The following ATP5F1B variants were observed in gnomAD, a reference collection of about 807,000 sequenced individuals.
ATP5F1B encodes ATP synthase F1 subunit beta.
Under a neutral mutation model 45.9 loss-of-function variants are expected in ATP5F1B, and 17 were observed. That is an observed-to-expected ratio of 0.37 (90% CI 0.25 to 0.56). The LOEUF is 0.56. Among genes scored for constraint, ATP5F1B ranks in the 20% least tolerant of loss-of-function variants. The pLI is 0.80. For synonymous variants in ATP5F1B, 218 were observed against 256.5 expected, an observed-to-expected ratio of 0.85 and a Z score of 1.43; for missense variants, 387 against 673.2, an observed-to-expected ratio of 0.57 and a Z score of 4.70.
At chr12:56,640,857 C>T (rs1306781656) in intron 7 of ATP5F1B, among the ~76,000 whole-genome samples, 2 of 127,686 alleles carry the variant, frequency 1.6e-5, no homozygotes, top group Non-Finnish European at 3.2e-5. Flanking sequence ...CCAGTAGAGA[C>T]GGGGGTCTCT....
chr12:56,641,423 T>C (rs1951511135), intron 7 of ATP5F1B, among the ~76,000 whole-genome samples: 1 of 152,024 alleles, frequency 6.6e-6, no homozygotes, highest in Non-Finnish European at 1.5e-5. Context: ...AATAGTTCAT[T>C]ACACTGAATC....
rs1174482690 is a variant in ATP5F1B, at chr12:56,645,978, G to A, written c.-15C>T. On this transcript the variant is annotated 5_prime_UTR_variant, in exon 1 of 10. Transcript: ENST00000262030. ...AACCCCAACATGGCGTAGTCCGGGT[G>A]GAGACTGAAGGCTGCAGCAACCGCA... The A allele has an allele frequency of 7.6e-6, 12 of 1,587,970 alleles. No homozygotes were observed. Among genetic ancestry groups the A allele is most frequent in the Middle Eastern group, 3.4e-4 (2 of 5,802 alleles).
rs1167476996 is a variant in ATP5F1B, at chr12:56,645,212, C to T, written c.269G>A (p.Gly90Asp). The T allele has an allele frequency of 6.2e-7, 1 of 1,614,238 alleles. No homozygotes were observed. The highest frequency in any genetic ancestry group is 8.5e-7 in the Non-Finnish European group (1 of 1,180,018). ...PPILNALEVQ[G>D]RETRLVLEVA... ...CTCCAAAACCAGTCTGGTCTCCCTGCCTTGCACTTCCAGGGCATTTAGAAT... is the reference window on the plus strand; with the variant it reads ...CTCCAAAACCAGTCTGGTCTCCCTGTCTTGCACTTCCAGGGCATTTAGAAT... Residue 90 changes from glycine to aspartate, a missense_variant, in exon 2 of 10, where the codon GGC (glycine) becomes GAC (aspartate). Physicochemically the swap from Gly to Asp is moderately conservative, Grantham distance 94 (BLOSUM62 -1). This residue lies in a region of ATP5F1B where 113 missense variants were observed against 168.0 expected (regional missense o/e 0.67). Transcript: ENST00000262030.
chr12:56,641,170 G>C (rs555846553), intron 7 of ATP5F1B, among the ~76,000 whole-genome samples: 1 of 152,136 alleles, frequency 6.6e-6, no homozygotes, highest in Admixed American at 6.5e-5. Flanking sequence ...TTCAAGACCA[G>C]CCTGACTAAC....
rs1951485459 is a variant in ATP5F1B at position 56,638,277 on chromosome 12, T to C, written c.*46A>G. The C allele has an allele frequency of 2.0e-6, 3 of 1,521,830 alleles. No homozygotes were observed. Among genetic ancestry groups the C allele is most frequent in the Non-Finnish European group, 1.8e-6 (2 of 1,104,968 alleles). 94.3% of individuals were successfully genotyped at this position (1,521,830 alleles called of 1,614,324 possible). ...AGCCTACACAGAAAAATGAAGCTTT[T>C]TGGGTTAGGGGCAAGGAGAGAGACA... On this transcript the variant is annotated 3_prime_UTR_variant, in exon 10 of 10. Transcript: ENST00000262030.
At chr12:56,641,371 A>C (rs1484454232) in intron 7 of ATP5F1B, among the ~76,000 whole-genome samples, 2 of 152,020 alleles carry the variant, frequency 1.3e-5, no homozygotes, top group South Asian at 4.1e-4. Flanking sequence ...CTCAAAAAAA[A>C]AAAAAAAAGA....
Position 56,640,160 on chromosome 12 carries a change from G to A in ATP5F1B, c.1107C>T (p.Asp369=), listed in dbSNP as rs763014861. 1 of 1,614,002 alleles carries A rather than the reference G, an allele frequency of 6.2e-7. No individual in the cohort carries two copies. The highest frequency in any genetic ancestry group is 8.5e-7 in the Non-Finnish European group (1 of 1,179,968). ...AIYVPADDLT[D]PAPATTFAHL... is the part of the protein sequence containing the mutation. The stretch of plus-strand genomic sequence containing the variant: ...GGGCAAACGTAGTAGCAGGGGCAGG[G>A]TCAGTCAAGTCATCAGCAGGCACAT... Residue 369 remains aspartate (D), a synonymous_variant, in exon 8 of 10, where the codon GAC becomes GAT. Coordinates refer to ENST00000262030, the MANE Select transcript of ATP5F1B (RefSeq NM_001686.4).
rs891419485 is a variant in ATP5F1B at position 56,644,088 on chromosome 12, C to A, written c.486-130G>T. On this transcript the variant is annotated intron_variant, in intron 3 of 9. Coordinates refer to ENST00000262030, the MANE Select transcript of ATP5F1B (RefSeq NM_001686.4). The stretch of plus-strand genomic sequence containing the variant: ...GGAACCACAGTCTTACCTCCCCTTT[C>A]TTACATAAATCAGATAAACTATCAT... 2.9e-6 allele frequency: 3 copies of A among 1,033,654 alleles called. No individual in the cohort carries two copies. In the East Asian group the frequency reaches 7.8e-5, roughly 27 times the overall value. The allele number at this position is 1,033,654 out of a possible 1,614,324, so 64.0% of individuals were successfully genotyped here. A position where few individuals can be genotyped will look rare whatever the true frequency, so the allele number is the denominator to read the frequency against.
chr12:56,642,190 T>C (rs903252496), intron 7 of ATP5F1B, among the ~76,000 whole-genome samples: 1 of 151,736 alleles, frequency 6.6e-6, no homozygotes, highest in Non-Finnish European at 1.5e-5. Flanking sequence ...AGAGACGGGA[T>C]TTCACCACGT....
intron 7 of ATP5F1B, among the ~76,000 whole-genome samples, chr12:56,641,056 T>A (rs9634247): frequency 0.36 from 54,144 of 149,216 alleles, 10,129 homozygotes; most frequent in African/African-American, 0.48. Context: ...AAAATAAAAA[T>A]TAAAAAAAAT....
chr12:56,645,057 A>G (rs1468769473), intron 2 of ATP5F1B, 102 bp from the exon 3 acceptor site: 1 of 1,604,852 alleles, frequency 6.2e-7, no homozygotes, highest in South Asian at 1.1e-5. Context: ...GGCTTCAGCA[A>G]ACTCAGAAGA....
At position 56,639,222 on chromosome 12, in the gene ATP5F1B, C is replaced by T; in HGVS notation, c.1373G>A (p.Arg458Gln). 6.2e-7 allele frequency: 1 copy of T among 1,614,102 alleles called. No homozygotes were observed. Among genetic ancestry groups the T allele is most frequent in the Non-Finnish European group, 8.5e-7 (1 of 1,180,020 alleles). The part of the protein sequence containing the change: ...EEDKLTVSRA[R>Q]KIQRFLSQPF... ...CTGAGACAAGAAACGCTGTATTTTC[C>T]GTGCACGGGACACGGTCAACTTGTC... Residue 458 changes from arginine to glutamine, a missense_variant, in exon 9 of 10, where the codon CGG becomes CAG. By Grantham distance (43) the Arg-to-Gln change is conservative (BLOSUM62 1). Around this residue, in one of 6 missense-constraint regions of ATP5F1B, gnomAD observed 154 missense variants for 361.4 expected, o/e 0.43. Transcript: ENST00000262030.
chr12:56,643,306 G>GAA, intron 5 of ATP5F1B, 97 bp downstream of exon 5: 1 of 1,168,368 alleles, frequency 8.6e-7, no homozygotes, highest in Non-Finnish European at 1.2e-6. Context: ...TTCTTAAAAA[G>GAA]AAAAAAAAAT....
At chr12:56,642,330 G>A in intron 7 of ATP5F1B, 128 bp downstream of exon 7, 1 of 1,352,124 alleles carries the variant, frequency 7.4e-7, no homozygotes, top group Admixed American at 2.1e-5. Flanking sequence ...CATACATACA[G>A]CTTTGTTCCC....
chr12:56,645,370 A>G lies in ATP5F1B; in HGVS notation c.128-17T>C. The G allele has an allele frequency of 2.5e-6, 4 of 1,608,284 alleles. No individual in the cohort carries two copies. Among genetic ancestry groups the G allele is most frequent in the Non-Finnish European group, 3.4e-6 (4 of 1,176,254 alleles). ...AGTCCCTGACTAACAGACAAAAGAT[A>G]TTGGAAGGAGCTGGGGTCAGGCCAG... On this transcript the variant is annotated splice_polypyrimidine_tract_variant and intron_variant, in intron 1 of 9. Coordinates refer to ENST00000262030, the MANE Select transcript of ATP5F1B (RefSeq NM_001686.4).
At chr12:56,641,036 C>A (rs900483371) in intron 7 of ATP5F1B, among the ~76,000 whole-genome samples, 1 of 149,944 alleles carries the variant, frequency 6.7e-6, no homozygotes, top group South Asian at 2.1e-4. Flanking sequence ...GCAACAGACT[C>A]CGTCTCAAAA....
Position 56,640,038 on chromosome 12 carries a change from G to T in ATP5F1B, c.1229C>A (p.Pro410His). Residue 410 changes from proline to histidine, a missense_variant, in exon 8 of 10, where the codon CCC (proline) becomes CAC (histidine). Coordinates refer to ENST00000262030, the MANE Select transcript of ATP5F1B (RefSeq NM_001686.4). ...PLDSTSRIMD[P>H]NIVGSEHYDV... ...GTAATGCTCACTGCCAACAATGTTG[G>T]GATCCATGATACGAGAGGTGGAGTC... 6.2e-7 allele frequency: 1 copy of T among 1,614,016 alleles called. No individual in the cohort carries two copies. The highest frequency in any genetic ancestry group is 1.1e-5 in the South Asian group (1 of 91,074).
Position 56,641,491 on chromosome 12 carries a change from T to C in ATP5F1B, c.1074+967A>G, listed in dbSNP as rs188777461. 3.3e-5 allele frequency among the ~76,000 whole-genome samples: 5 copies of C among 152,320 alleles called. No individual in the cohort carries two copies. In the East Asian group the frequency reaches 7.7e-4, roughly 23 times the overall value. On this transcript the variant is annotated intron_variant, in intron 7 of 9. Transcript: ENST00000262030. ...ACTATATGTAAAATTTATGTAATTT[T>C]ACTATATATCCCATCTATATATATT...
intron 5 of ATP5F1B, 63 bp downstream of exon 5, chr12:56,643,340 C>T (rs1951526338): frequency 5.0e-6 from 7 of 1,393,594 alleles, no homozygotes; most frequent in Non-Finnish European, 6.8e-6. Context: ...TAGAACATGG[C>T]TTCAGTTGGC....
Sources: allele counts gnomAD v4.1 joint callset (sites outside exome capture counted in the v4.1 genomes callset), GRCh38; gene constraint gnomAD v4.1.1; regional missense constraint gnomAD v4.1.1; transcripts MANE v1.5; gene names NCBI Gene and HGNC (gene_info 2026-07-23, HGNC 2026-07-21).